Variants in MAGI1 observed in about 807,000 individuals in gnomAD.
MAGI1 encodes membrane associated guanylate kinase, WW and PDZ domain containing 1.
Under a neutral mutation model 139.9 loss-of-function variants are expected in MAGI1, and 58 were observed. The observed-to-expected ratio is 0.41, with a 90% CI of 0.34 to 0.52. The LOEUF is 0.52. Ranked by LOEUF, MAGI1 falls within the 20% of genes least tolerant of loss-of-function variation. MAGI1 has a pLI of 0.12. For synonymous variants in MAGI1, 812 were observed against 737.9 expected (o/e 1.10, Z -1.63); for missense variants, 1,874 against 1,901.6 (o/e 0.99, Z 0.27).
intron 1 of MAGI1, among the ~76,000 whole-genome samples, chr3:65,798,304 AAAACAAACAAAC>A (rs549833908): frequency 1.9e-4 from 28 of 151,336 alleles, no homozygotes; most frequent in Non-Finnish European, 3.1e-4. Flanking sequence ...ACTCCATCTC[AAAACAAACAAAC>A]AAACAAACAA....
chr3:65,685,490 T>C (rs1341827942), intron 1 of MAGI1, among the ~76,000 whole-genome samples: 1 of 152,178 alleles, frequency 6.6e-6, no homozygotes, highest in African/African-American at 2.4e-5. Context: ...CTGCTTGATA[T>C]CAAAAGCAGA....
At chr3:65,423,134 C>A (rs1234209916) in intron 12 of MAGI1, among the ~76,000 whole-genome samples, 1 of 152,280 alleles carries the variant, frequency 6.6e-6, no homozygotes, top group African/African-American at 2.4e-5. Flanking sequence ...AGGACCCCAA[C>A]ATTATTAAGA....
At chr3:65,914,203 G>T (rs1235389671) in intron 1 of MAGI1, 2 of 152,154 alleles carry the variant, frequency 1.3e-5, no homozygotes, top group African/African-American at 2.4e-5. Context: ...TACTCAGCCA[G>T]CATAAACCCG....
chr3:65,866,779 A>C (rs2059743435), intron 1 of MAGI1, among the ~76,000 whole-genome samples: 1 of 149,798 alleles, frequency 6.7e-6, no homozygotes, highest in African/African-American at 2.5e-5. Flanking sequence ...ATGTTCATCA[A>C]ATCAGCTAGG....
chr3:65,763,823 C>A (rs1424341908), intron 1 of MAGI1, among the ~76,000 whole-genome samples: 1 of 151,738 alleles, frequency 6.6e-6, no homozygotes, highest in East Asian at 1.9e-4. Context: ...GTAATCCCAG[C>A]ACTTTGGGAG....
intron 1 of MAGI1, among the ~76,000 whole-genome samples, chr3:65,789,164 G>A (rs1050051316): frequency 6.6e-5 from 10 of 152,128 alleles, no homozygotes; most frequent in South Asian, 2.1e-4. Flanking sequence ...CTGGGTGGGA[G>A]TAAAACTCTA....
At chr3:65,865,958 A>T (rs2059710232) in intron 1 of MAGI1, among the ~76,000 whole-genome samples, 1 of 152,194 alleles carries the variant, frequency 6.6e-6, no homozygotes, top group African/African-American at 2.4e-5. Context: ...CAAGCTTTTA[A>T]AACCACAATG....
At chr3:65,535,406 A>G (rs2078917973) in intron 2 of MAGI1, among the ~76,000 whole-genome samples, 1 of 152,184 alleles carries the variant, frequency 6.6e-6, no homozygotes, top group South Asian at 2.1e-4. Flanking sequence ...TGTTGACTCC[A>G]GTCAATAAGC....
chr3:65,484,023 C>A, intron 3 of MAGI1, among the ~76,000 whole-genome samples: 1 of 152,216 alleles, frequency 6.6e-6, no homozygotes, highest in Non-Finnish European at 1.5e-5. Context: ...TACAGAAAAC[C>A]TTTTTAATGC....
chr3:65,847,095 T>C (rs952996670), intron 1 of MAGI1, among the ~76,000 whole-genome samples: 3 of 149,160 alleles, frequency 2.0e-5, no homozygotes, highest in African/African-American at 7.5e-5. Context: ...ACTGCCAACA[T>C]AATGAAATGA....
At chr3:65,717,828 T>C (rs572141488) in intron 1 of MAGI1, among the ~76,000 whole-genome samples, 2 of 152,266 alleles carry the variant, frequency 1.3e-5, no homozygotes, top group African/African-American at 4.8e-5. Flanking sequence ...AGCACTACCC[T>C]AAGTGCCCAA....
intron 1 of MAGI1, among the ~76,000 whole-genome samples, chr3:65,695,650 C>T (rs971010327): frequency 6.6e-6 from 1 of 152,166 alleles, no homozygotes; most frequent in African/African-American, 2.4e-5. Flanking sequence ...AATGAATCTA[C>T]AGTAGACGCC....
chr3:65,471,965 A>C (rs375771385), intron 4 of MAGI1, among the ~76,000 whole-genome samples: 65 of 152,220 alleles, frequency 4.3e-4, no homozygotes, highest in African/African-American at 1.6e-3. Context: ...AAGATGAAGA[A>C]AGTCATCTAA....
chr3:65,617,970 G>C (rs764863628), intron 2 of MAGI1, among the ~76,000 whole-genome samples: 4 of 152,080 alleles, frequency 2.6e-5, no homozygotes, highest in Non-Finnish European at 4.4e-5. Context: ...GCACAAAACA[G>C]GCATGAAGGA....
intron 1 of MAGI1, among the ~76,000 whole-genome samples, chr3:65,846,658 G>A (rs2059009245): frequency 6.6e-6 from 1 of 152,138 alleles, no homozygotes; most frequent in Non-Finnish European, 1.5e-5. Flanking sequence ...CCTTGTAACA[G>A]TTCTGAAGCA....
chr3:65,993,573 G>C (rs1482801694), intron 1 of MAGI1, among the ~76,000 whole-genome samples: 2 of 152,202 alleles, frequency 1.3e-5, no homozygotes, highest in Non-Finnish European at 2.9e-5. Flanking sequence ...CCAAAAACTT[G>C]TTCACCATTG....
intron 1 of MAGI1, among the ~76,000 whole-genome samples, chr3:65,804,619 A>T (rs1015158115): frequency 5.9e-5 from 9 of 152,164 alleles, no homozygotes; most frequent in Middle Eastern, 3.2e-3. Flanking sequence ...CATGAACTAT[A>T]GCAAGTGGCA....
rs1362554729 is a variant in MAGI1 at position 65,391,273 on chromosome 3, T to C, written c.2285A>G (p.His762Arg). The change falls in exon 14 of 23, where the codon CAC becomes CGC. Residue 762 changes from histidine (H) to arginine (R), a missense_variant. Around this residue, in one of 5 missense-constraint regions of MAGI1, gnomAD observed 482 missense variants for 509.6 expected, o/e 0.95. Transcript: ENST00000402939. The stretch of plus-strand genomic sequence containing the variant: ...GAACTCGGGGAGCACCTGTGTGCTG[T>C]GGCTTGGGGATGCTGTGTGCAGGCT... ...HRSLHTASPS[H>R]STQVLPEFPP... is the part of the protein sequence containing the mutation. 10 of 1,614,088 alleles carry C rather than the reference T, an allele frequency of 6.2e-6. No individual in the cohort carries two copies. The highest frequency in any genetic ancestry group is 1.7e-5 in the Admixed American group (1 of 60,006).
intron 5 of MAGI1, among the ~76,000 whole-genome samples, chr3:65,457,853 C>T (rs1949504707): frequency 6.6e-6 from 1 of 152,082 alleles, no homozygotes; most frequent in South Asian, 2.1e-4. Context: ...TTATTATTGA[C>T]TACAGTCACC....
Sources: allele counts gnomAD v4.1 joint callset (sites outside exome capture counted in the v4.1 genomes callset), GRCh38; gene constraint gnomAD v4.1.1; regional missense constraint gnomAD v4.1.1; transcripts MANE v1.5; gene names NCBI Gene and HGNC (gene_info 2026-07-23, HGNC 2026-07-21).